Variants in NTNG1 observed in about 807,000 individuals in gnomAD.
NTNG1 encodes netrin G1, also known as netrin-G1.
Under a neutral mutation model 54.0 loss-of-function variants are expected in NTNG1, and 16 were observed. That is an observed-to-expected ratio of 0.30 (90% CI 0.20 to 0.45). NTNG1 has a LOEUF of 0.45. Ranked by LOEUF, NTNG1 falls within the 20% of genes least tolerant of loss-of-function variation. NTNG1 has a pLI of 1.00. For synonymous variants in NTNG1, 255 were observed against 263.1 expected, an observed-to-expected ratio of 0.97 and a Z score of 0.30; for missense variants, 530 against 678.7, an observed-to-expected ratio of 0.78 and a Z score of 2.43.
intron 7 of NTNG1, among the ~76,000 whole-genome samples, chr1:107,461,789 C>T (rs1220463041): frequency 6.6e-6 from 1 of 152,110 alleles, no homozygotes; most frequent in African/African-American, 2.4e-5. Flanking sequence ...ACCTCAGCCT[C>T]CCAAAGTGCT....
intron 3 of NTNG1, among the ~76,000 whole-genome samples, chr1:107,353,749 T>A (rs1466764181): frequency 6.6e-6 from 1 of 152,174 alleles, no homozygotes; most frequent in Non-Finnish European, 1.5e-5. Context: ...TGAAACTGGG[T>A]ACTTCATAAA....
At chr1:107,181,085 A>G (rs1193955938) in intron 2 of NTNG1, among the ~76,000 whole-genome samples, 1 of 152,194 alleles carries the variant, frequency 6.6e-6, no homozygotes, top group Non-Finnish European at 1.5e-5. Flanking sequence ...ATTTTGGTGA[A>G]AAATAGAGTC....
chr1:107,267,699 C>A (rs1040257598), intron 2 of NTNG1, among the ~76,000 whole-genome samples: 1 of 152,200 alleles, frequency 6.6e-6, no homozygotes, highest in African/African-American at 2.4e-5. Context: ...GCTTTCTTAA[C>A]ATAGAGCAAT....
intron 2 of NTNG1, among the ~76,000 whole-genome samples, chr1:107,214,351 C>T (rs780364468): frequency 4.6e-5 from 7 of 152,086 alleles, no homozygotes; most frequent in African/African-American, 7.2e-5. Context: ...CTCTCACTTA[C>T]GATTGAGAAG....
At chr1:107,261,188 C>T (rs973759648) in intron 2 of NTNG1, among the ~76,000 whole-genome samples, 17 of 152,256 alleles carry the variant, frequency 1.1e-4, no homozygotes, top group African/African-American at 3.6e-4. Flanking sequence ...AGGTACTATA[C>T]TAAGTACTGG....
chr1:107,372,713 A>G (rs1474421001), intron 3 of NTNG1, among the ~76,000 whole-genome samples: 1 of 152,104 alleles, frequency 6.6e-6, no homozygotes, highest in Non-Finnish European at 1.5e-5. Flanking sequence ...TTTTCTATCT[A>G]CTTGTTCTAT....
intron 2 of NTNG1, among the ~76,000 whole-genome samples, chr1:107,227,474 G>T (rs888561055): frequency 5.3e-5 from 8 of 152,052 alleles, no homozygotes; most frequent in Admixed American, 2.6e-4. Flanking sequence ...TTACATTTGT[G>T]TGCCTTTATT....
chr1:107,319,799 G>T (rs1214021861), intron 2 of NTNG1, among the ~76,000 whole-genome samples: 3 of 151,706 alleles, frequency 2.0e-5, no homozygotes, highest in Non-Finnish European at 2.9e-5. Context: ...CATAGGTAAA[G>T]CTTGGAAAGG....
At chr1:107,187,899 A>G (rs1399422595) in intron 2 of NTNG1, among the ~76,000 whole-genome samples, 1 of 152,122 alleles carries the variant, frequency 6.6e-6, no homozygotes, top group Non-Finnish European at 1.5e-5. Context: ...AGCCATTAAT[A>G]TTTTACATTA....
intron 2 of NTNG1, among the ~76,000 whole-genome samples, chr1:107,266,867 G>A (rs1292451353): frequency 6.6e-6 from 1 of 152,096 alleles, no homozygotes. Context: ...CATGTTCAGT[G>A]AAAACTATTG....
chr1:107,386,269 A>T (rs1671994901), intron 3 of NTNG1, among the ~76,000 whole-genome samples: 1 of 151,176 alleles, frequency 6.6e-6, no homozygotes, highest in Non-Finnish European at 1.5e-5. Flanking sequence ...TCTTGGATTC[A>T]AGCTATTCTT....
chr1:107,452,493 T>A (rs963526634), intron 7 of NTNG1, among the ~76,000 whole-genome samples: 2 of 152,132 alleles, frequency 1.3e-5, no homozygotes, highest in African/African-American at 4.8e-5. Flanking sequence ...ATCCCCACTG[T>A]GGTAGTATTG....
chr1:107,243,195 T>C (rs1004370013), intron 2 of NTNG1, among the ~76,000 whole-genome samples: 2 of 152,230 alleles, frequency 1.3e-5, no homozygotes, highest in Non-Finnish European at 2.9e-5. Context: ...GCAGGCTTTA[T>C]ACTTGTTATA....
chr1:107,429,024 T>C (rs150657296), intron 5 of NTNG1, among the ~76,000 whole-genome samples: 1 of 152,176 alleles, frequency 6.6e-6, no homozygotes, highest in Non-Finnish European at 1.5e-5. Context: ...TCCTCCATAC[T>C]CGCCTCCCCT....
At chr1:107,157,380 A>C (rs763104244) in intron 2 of NTNG1, among the ~76,000 whole-genome samples, 1 of 152,176 alleles carries the variant, frequency 6.6e-6, no homozygotes, top group Non-Finnish European at 1.5e-5. Context: ...TGGTGTTGTC[A>C]AATTGTCCAC....
At chr1:107,214,034 A>G (rs1473587525) in intron 2 of NTNG1, among the ~76,000 whole-genome samples, 1 of 152,080 alleles carries the variant, frequency 6.6e-6, no homozygotes, top group Non-Finnish European at 1.5e-5. Flanking sequence ...TCACTCTCCC[A>G]TTGATAGTTT....
intron 2 of NTNG1, among the ~76,000 whole-genome samples, chr1:107,290,078 T>C (rs1320322991): frequency 6.6e-6 from 1 of 152,206 alleles, no homozygotes; most frequent in East Asian, 1.9e-4. Context: ...ATTTTTCAGT[T>C]TGTGCATTTA....
intron 2 of NTNG1, among the ~76,000 whole-genome samples, chr1:107,290,982 T>C (rs1005748658): frequency 7.7e-4 from 111 of 144,254 alleles, no homozygotes; most frequent in East Asian, 1.6e-3. Flanking sequence ...TATATATATA[T>C]ATACACACAC....
intron 2 of NTNG1, among the ~76,000 whole-genome samples, chr1:107,311,172 G>T (rs931873474): frequency 7.2e-5 from 11 of 152,058 alleles, no homozygotes; most frequent in African/African-American, 2.7e-4. Flanking sequence ...CATGACCATT[G>T]TAAATTTACA....
Sources: allele counts gnomAD v4.1 joint callset (sites outside exome capture counted in the v4.1 genomes callset), GRCh38; gene constraint gnomAD v4.1.1; transcripts MANE v1.5; gene names NCBI Gene and HGNC (gene_info 2026-07-23, HGNC 2026-07-21).